The following DIAPH2 variants were observed in gnomAD, a reference collection of about 807,000 sequenced individuals.
The protein encoded by DIAPH2 is diaphanous related formin 2, also known as protein diaphanous homolog 2.
A neutral mutation model predicts 92.7 loss-of-function variants in DIAPH2; 35 were observed. The observed-to-expected ratio is 0.38, with a 90% confidence interval of 0.29 to 0.50. The LOEUF (loss-of-function observed/expected upper bound fraction) is 0.50, where lower values mean the gene tolerates loss of function less well. Among genes scored for constraint, DIAPH2 ranks in the 20% least tolerant of loss-of-function variants. The pLI is 0.94. For synonymous variants in DIAPH2, 301 were observed against 280.4 expected (o/e 1.07, Z -0.73); for missense variants, 701 against 819.5 (o/e 0.86, Z 1.77).
At chrX:96,836,706 TATATATATA>T (rs1569409198) in intron 4 of DIAPH2, among the ~76,000 whole-genome samples, 34 of 24,201 alleles carry the variant, frequency 1.4e-3, no homozygotes, top group Non-Finnish European at 2.1e-3. Context: ...TATATATATA[TATATATATA>T]TATTTTTTTT....
chrX:97,595,119 T>A (rs1354963325), intron 26 of DIAPH2, among the ~76,000 whole-genome samples: 1 of 112,203 alleles, frequency 8.9e-6, no homozygotes. Flanking sequence ...TTATCTGTAT[T>A]GTGCTTATTC....
In DIAPH2 at chrX:97,601,016, G is replaced by T. The variant is rs903274486; in HGVS notation, c.*1699G>T. 1 of 112,120 alleles carries T rather than the reference G, an allele frequency of 8.9e-6. No individual in the cohort carries two copies. Among genetic ancestry groups the T allele is most frequent in the African/African-American group, 3.2e-5 (1 of 30,894 alleles). 9.2% of individuals were successfully genotyped at this position (112,120 alleles called of 1,213,427 possible). A position where few individuals can be genotyped will look rare whatever the true frequency, so the allele number is the denominator to read the frequency against. On this transcript the variant is annotated 3_prime_UTR_variant, in exon 27 of 27. Transcript: ENST00000324765. ...TATCTGAAATTTCACAGTCCTATCC[G>T]ATCTGAAAACACACATACACAAATG...
At chrX:96,744,742 G>A (rs1476405936) in intron 3 of DIAPH2, among the ~76,000 whole-genome samples, 3 of 112,138 alleles carry the variant, frequency 2.7e-5, no homozygotes, top group East Asian at 2.8e-4. Flanking sequence ...TCTAAAACAC[G>A]GAAGTAGACT....
At chrX:97,334,716 C>A (rs1190231397) in intron 23 of DIAPH2, among the ~76,000 whole-genome samples, 2 of 107,679 alleles carry the variant, frequency 1.9e-5, no homozygotes, top group Non-Finnish European at 3.8e-5. Context: ...GGCACGGTGG[C>A]TCACGCCTGT....
At chrX:96,857,426 A>G (rs941676799) in intron 4 of DIAPH2, among the ~76,000 whole-genome samples, 2 of 112,588 alleles carry the variant, frequency 1.8e-5, no homozygotes, top group Non-Finnish European at 3.7e-5. Flanking sequence ...TAAAAAGTTT[A>G]TCATAGTACT....
intron 21 of DIAPH2, among the ~76,000 whole-genome samples, chrX:97,118,018 T>A (rs1038744177): frequency 1.6e-4 from 18 of 111,451 alleles, no homozygotes; most frequent in Non-Finnish European, 3.0e-4. Context: ...CAAAACATTT[T>A]AAAATACTTA....
intron 19 of DIAPH2, among the ~76,000 whole-genome samples, chrX:97,099,240 C>G (rs780176203): frequency 9.0e-6 from 1 of 110,613 alleles, no homozygotes; most frequent in East Asian, 2.9e-4. Flanking sequence ...GTGGCGGGCG[C>G]CTGTTATCCC....
chrX:97,210,918 C>A (rs1246631739), intron 22 of DIAPH2, among the ~76,000 whole-genome samples: 1 of 111,956 alleles, frequency 8.9e-6, no homozygotes, highest in Non-Finnish European at 1.9e-5. Flanking sequence ...TGTTATGAAG[C>A]ACTCTTATCT....
At chrX:97,001,507 G>A (rs931327060) in intron 17 of DIAPH2, among the ~76,000 whole-genome samples, 13 of 110,607 alleles carry the variant, frequency 1.2e-4, no homozygotes, top group Non-Finnish European at 2.1e-4. Flanking sequence ...TTAGCCAGGC[G>A]TGGTAGCAAG....
chrX:97,557,345 C>G (rs894020543), intron 26 of DIAPH2, among the ~76,000 whole-genome samples: 1 of 111,608 alleles, frequency 9.0e-6, no homozygotes, highest in Non-Finnish European at 1.9e-5. Flanking sequence ...TCAAGACCAG[C>G]CTGGCCAACA....
At chrX:97,007,992 G>A (rs756934518) in intron 17 of DIAPH2, among the ~76,000 whole-genome samples, 1 of 103,065 alleles carries the variant, frequency 9.7e-6, no homozygotes, top group South Asian at 4.7e-4. Context: ...TCAATTTCCT[G>A]ACCTCATGAT....
chrX:97,032,713 T>G (rs1216482229), intron 17 of DIAPH2, among the ~76,000 whole-genome samples: 2 of 111,614 alleles, frequency 1.8e-5, no homozygotes, highest in African/African-American at 6.5e-5. Flanking sequence ...TCAAAGAGAT[T>G]ATCTCAATTA....
Position 97,185,498 on chromosome X carries a change from T to C in DIAPH2, c.2719+43704T>C, listed in dbSNP as rs1162517149. Among the ~76,000 whole-genome samples, 226 of 55,820 alleles carry C rather than the reference T, an allele frequency of 4.0e-3. 10 individuals are homozygous for C. Among genetic ancestry groups the C allele is most frequent in the Non-Finnish European group, 4.8e-3 (152 of 31,791 alleles). 48.5% of individuals were successfully genotyped at this position (55,820 alleles called of 115,157 possible). ...ACATATATATATATATATATATATA[T>C]ATATATATATATATATATATATCTC... is the stretch of plus-strand genomic sequence containing the variant. On this transcript the variant is annotated intron_variant, in intron 22 of 26. Transcript: ENST00000324765.
chrX:97,480,653 C>T (rs1459314228), intron 26 of DIAPH2, among the ~76,000 whole-genome samples: 1 of 110,884 alleles, frequency 9.0e-6, no homozygotes, highest in African/African-American at 3.3e-5. Flanking sequence ...ATCTTTGGAG[C>T]AACTCACCAT....
chrX:97,084,107 G>GTT (rs35633077), intron 19 of DIAPH2, among the ~76,000 whole-genome samples: 1,160 of 106,967 alleles, frequency 0.011, 20 homozygotes, highest in African/African-American at 0.037. Flanking sequence ...TTTTTGTTTT[G>GTT]TTTTTTTTAA....
At chrX:96,774,650 T>G (rs2064363887) in intron 4 of DIAPH2, among the ~76,000 whole-genome samples, 1 of 112,345 alleles carries the variant, frequency 8.9e-6, no homozygotes, top group African/African-American at 3.2e-5. Flanking sequence ...CCTATAATTC[T>G]AAGCCATTTT....
At chrX:96,962,291 A>C (rs1315379551) in intron 16 of DIAPH2, among the ~76,000 whole-genome samples, 1 of 59,920 alleles carries the variant, frequency 1.7e-5, no homozygotes, top group Non-Finnish European at 3.3e-5. Context: ...ATATACATAT[A>C]TATATATACA....
chrX:96,694,229 A>G (rs1281714183), intron 1 of DIAPH2, among the ~76,000 whole-genome samples: 1 of 112,058 alleles, frequency 8.9e-6, no homozygotes, highest in Non-Finnish European at 1.9e-5. Context: ...GAGTTCTGTT[A>G]TAGCTAATTG....
At chrX:96,821,612 T>G (rs975066518) in intron 4 of DIAPH2, among the ~76,000 whole-genome samples, 1 of 112,368 alleles carries the variant, frequency 8.9e-6, no homozygotes, top group African/African-American at 3.2e-5. Flanking sequence ...CTAAAGAATA[T>G]ACTAATATTT....
Sources: gnomAD v4.1 joint callset for allele counts (sites outside exome capture counted in the v4.1 genomes callset) on GRCh38, gnomAD v4.1.1 for gene constraint, MANE v1.5 for transcripts, NCBI Gene and HGNC (gene_info 2026-07-23, HGNC 2026-07-21) for gene names.